The following OSBPL10 variants were observed in gnomAD, a reference collection of about 807,000 sequenced individuals.
OSBPL10 encodes the protein oxysterol binding protein like 10.
A neutral mutation model predicts 81.7 loss-of-function variants in OSBPL10; 49 were observed. That is an observed-to-expected ratio of 0.60 (90% CI 0.48 to 0.76). OSBPL10 has a LOEUF of 0.76. Among genes scored for constraint, OSBPL10 ranks in the 30% least tolerant of loss-of-function variants. The probability of loss-of-function intolerance (pLI) is 0.00; values close to 1 mark genes in which losing one functional copy is unlikely to be tolerated. For synonymous variants in OSBPL10, 419 were observed against 383.6 expected (o/e 1.09, Z -1.08); for missense variants, 923 against 987.8 (o/e 0.93, Z 0.88).
At chr3:31,950,633 A>C (rs1697840357) in intron 1 of OSBPL10, among the ~76,000 whole-genome samples, 1 of 152,222 alleles carries the variant, frequency 6.6e-6, no homozygotes, top group Admixed American at 6.5e-5. Context: ...TCTCAGGCTG[A>C]AATGTGATCC....
intron 1 of OSBPL10, among the ~76,000 whole-genome samples, chr3:31,907,847 TG>T (rs1306437010): frequency 2.0e-5 from 3 of 152,118 alleles, no homozygotes. Context: ...CCTGCCCTTG[TG>T]GAACTGATAT....
intron 4 of OSBPL10, among the ~76,000 whole-genome samples, chr3:31,751,667 C>G (rs1179077408): frequency 6.6e-6 from 1 of 152,160 alleles, no homozygotes; most frequent in African/African-American, 2.4e-5. Context: ...CACCTCATGG[C>G]TTTTGACTTC....
chr3:31,853,035 G>A (rs1700808653), intron 3 of OSBPL10, among the ~76,000 whole-genome samples: 2 of 152,198 alleles, frequency 1.3e-5, no homozygotes, highest in Non-Finnish European at 2.9e-5. Context: ...ATGCACTGGA[G>A]TTCATAAGGT....
At chr3:31,766,195 C>A (rs1306604624) in intron 4 of OSBPL10, among the ~76,000 whole-genome samples, 1 of 152,078 alleles carries the variant, frequency 6.6e-6, no homozygotes, top group Non-Finnish European at 1.5e-5. Flanking sequence ...CCTGCCTGAG[C>A]CCACTCAGCT....
chr3:32,041,362 A>G (rs1457065257), intron 2 of OSBPL10, among the ~76,000 whole-genome samples: 2 of 152,212 alleles, frequency 1.3e-5, no homozygotes, highest in Non-Finnish European at 2.9e-5. Flanking sequence ...ACTTTTTCAC[A>G]TGGTGGTTCC....
intron 2 of OSBPL10, among the ~76,000 whole-genome samples, chr3:32,016,260 G>A (rs1330254548): frequency 2.0e-5 from 3 of 152,304 alleles, no homozygotes; most frequent in South Asian, 4.1e-4. Context: ...GGAATACTAT[G>A]CAGCTATAAA....
At position 31,761,768 on chromosome 3, in the gene OSBPL10, T is replaced by C. The variant is rs184338952; in HGVS notation, c.730-13648A>G. Among the ~76,000 whole-genome samples the C allele has an allele frequency of 9.9e-4, 143 of 144,242 alleles. 1 individual carries two copies. Among genetic ancestry groups the C allele is most frequent in the Non-Finnish European group, 2.1e-4 (14 of 67,642 alleles). 94.6% of individuals were successfully genotyped at this position (144,242 alleles called of 152,430 possible). On this transcript the variant is annotated intron_variant, in intron 4 of 11. Transcript: ENST00000396556. ...AGGTGGAGGTTGCAGTGAGCCAAGA[T>C]TGTGCCACCGCACTCCAGCCTGGGC...
upstream of OSBPL10, among the ~76,000 whole-genome samples, chr3:31,982,628 A>G (rs1455907674): frequency 6.6e-6 from 1 of 150,560 alleles, no homozygotes; most frequent in East Asian, 2.0e-4. Flanking sequence ...GTAAATTACA[A>G]TTCCAGGTGC....
chr3:31,868,433 C>CCA (rs977437159), intron 3 of OSBPL10, among the ~76,000 whole-genome samples: 6 of 152,062 alleles, frequency 3.9e-5, no homozygotes, highest in Non-Finnish European at 7.4e-5. Flanking sequence ...GCACCACATT[C>CCA]CACCTCCCCC....
chr3:31,799,034 C>T (rs1354474699), intron 4 of OSBPL10, among the ~76,000 whole-genome samples: 1 of 152,174 alleles, frequency 6.6e-6, no homozygotes. Context: ...CTATGCCGCC[C>T]AGTTCCTAAC....
intron 1 of OSBPL10, among the ~76,000 whole-genome samples, chr3:31,896,078 C>T (rs1696048433): frequency 6.6e-6 from 1 of 152,212 alleles, no homozygotes; most frequent in Non-Finnish European, 1.5e-5. Context: ...AACAATGCCA[C>T]ATTAATTCCA....
At chr3:31,937,418 C>A (rs1397824856) in intron 1 of OSBPL10, among the ~76,000 whole-genome samples, 1 of 152,142 alleles carries the variant, frequency 6.6e-6, no homozygotes, top group East Asian at 1.9e-4. Context: ...AAGGCATAGC[C>A]AACTTGCCTC....
chr3:31,703,775 G>C (rs1695972543), intron 6 of OSBPL10: 1 of 152,184 alleles, frequency 6.6e-6, no homozygotes, highest in Admixed American at 6.5e-5. Context: ...CAATTCTAAA[G>C]AGATGGTTGG....
At chr3:31,798,367 T>C (rs1699293355) in intron 4 of OSBPL10, among the ~76,000 whole-genome samples, 1 of 151,312 alleles carries the variant, frequency 6.6e-6, no homozygotes, top group African/African-American at 2.4e-5. Flanking sequence ...GAGGCAGAGG[T>C]TGCAGTGAGC....
intron 5 of OSBPL10, among the ~76,000 whole-genome samples, chr3:31,733,946 C>T (rs1470989985): frequency 3.3e-5 from 5 of 151,600 alleles, no homozygotes; most frequent in African/African-American, 1.2e-4. Flanking sequence ...GGAGGCGGAG[C>T]TTGCAGTGAG....
chr3:31,812,751 AAAG>A lies in OSBPL10; in HGVS notation c.729+17286_729+17288del, dbSNP rs1559476196. On this transcript the variant is annotated intron_variant, in intron 4 of 11. Transcript: ENST00000396556. ...GAAAGAAAGAAAGAAAGAAAGAAAG[AAAG>A]AAAGAAAGAAAGAAAGAAAGAAAGA... Among the ~76,000 whole-genome samples the A allele has an allele frequency of 3.9e-4, 14 of 35,820 alleles. 1 individual carries two copies. Among genetic ancestry groups the A allele is most frequent in the African/African-American group, 1.5e-3 (12 of 8,018 alleles). The allele number at this position is 35,820 out of a possible 152,430, so 23.5% of individuals were successfully genotyped here.
At chr3:31,662,755 A>G (rs2125493492) in intron 11 of OSBPL10, 2 of 985,424 alleles carry the variant, frequency 2.0e-6, no homozygotes, top group Non-Finnish European at 2.4e-6. Flanking sequence ...GAAGAACTGT[A>G]AATGTTTTTT....
intron 1 of OSBPL10, among the ~76,000 whole-genome samples, chr3:31,917,587 T>C (rs1196347485): frequency 1.3e-5 from 2 of 150,974 alleles, no homozygotes; most frequent in African/African-American, 4.9e-5. Flanking sequence ...CCTATTCTGG[T>C]TCTGGAGGCT....
chr3:31,815,224 G>C (rs1699809326), intron 4 of OSBPL10, among the ~76,000 whole-genome samples: 1 of 137,208 alleles, frequency 7.3e-6, no homozygotes, highest in African/African-American at 2.7e-5. Context: ...CCCCTGGCTT[G>C]CTCTTCCCGC....
Sources: gnomAD v4.1 joint callset for allele counts (sites outside exome capture counted in the v4.1 genomes callset) on GRCh38, gnomAD v4.1.1 for gene constraint, MANE v1.5 for transcripts, NCBI Gene and HGNC (gene_info 2026-07-23, HGNC 2026-07-21) for gene names.